PLCH1: variants seen among roughly 807,000 people sequenced by gnomAD.
The protein encoded by PLCH1 is 1-phosphatidylinositol 4,5-bisphosphate phosphodiesterase eta-1.
Under a neutral mutation model 126.7 loss-of-function variants are expected in PLCH1, and 60 were observed. That is an observed-to-expected ratio of 0.47 (90% CI 0.38 to 0.59). PLCH1 has a LOEUF of 0.59. PLCH1 is among the 20% of genes least tolerant of loss of function. The pLI, the probability that PLCH1 is intolerant of heterozygous loss-of-function variation, is 0.00. For missense variants in PLCH1, 1,723 were observed against 2,040.0 expected (o/e 0.84, Z 2.99); for synonymous variants, 719 against 734.9 (o/e 0.98, Z 0.35).
chr3:155,462,021 T>C (rs557501931), intron 21 of PLCH1, among the ~76,000 whole-genome samples: 10 of 152,238 alleles, frequency 6.6e-5, no homozygotes, highest in Non-Finnish European at 1.2e-4. Context: ...TACGATCTTA[T>C]ATCTGCTGTG....
chr3:155,500,448 C>G (rs1717726651), intron 14 of PLCH1, among the ~76,000 whole-genome samples: 1 of 152,204 alleles, frequency 6.6e-6, no homozygotes, highest in Admixed American at 6.5e-5. Flanking sequence ...TGCTCCCTCC[C>G]TCTTCTCTGA....
chr3:155,573,450 T>C (rs887303969), intron 6 of PLCH1, among the ~76,000 whole-genome samples: 2 of 152,218 alleles, frequency 1.3e-5, no homozygotes, highest in Non-Finnish European at 2.9e-5. Flanking sequence ...ATGGTTATTC[T>C]GCTGTTCTCA....
chr3:155,623,151 G>A (rs1736739489), intron 2 of PLCH1, among the ~76,000 whole-genome samples: 1 of 151,844 alleles, frequency 6.6e-6, no homozygotes, highest in South Asian at 2.1e-4. Context: ...AATCCTGAAT[G>A]ACTACTGGGT....
intron 21 of PLCH1, among the ~76,000 whole-genome samples, chr3:155,466,581 A>G (rs1412254800): frequency 6.6e-6 from 1 of 152,210 alleles, no homozygotes; most frequent in African/African-American, 2.4e-5. Flanking sequence ...ATGCTCAGAC[A>G]CTGAAGAACA....
intron 9 of PLCH1, among the ~76,000 whole-genome samples, chr3:155,552,936 G>A (rs1328226337): frequency 1.3e-5 from 2 of 152,112 alleles, no homozygotes; most frequent in Admixed American, 6.6e-5. Context: ...GGCCAGTGCT[G>A]CCCCTAACTA....
rs1035504923 is a variant in PLCH1, at chr3:155,586,408, G to C, written c.471-214C>G. Among the ~76,000 whole-genome samples the C allele has an allele frequency of 5.3e-5, 8 of 152,196 alleles. No individual in the cohort carries two copies. In the East Asian group the frequency reaches 1.4e-3, roughly 26 times the overall value. ...AGGAATGGAAGGGAAACACATAAAG[G>C]GGGTAAGGGGGTTCCCGGCTGGGTG... On this transcript the variant is annotated intron_variant, in intron 4 of 22. Transcript: ENST00000460012.
At chr3:155,459,554 T>A (rs984947217) in intron 21 of PLCH1, among the ~76,000 whole-genome samples, 3 of 152,106 alleles carry the variant, frequency 2.0e-5, no homozygotes, top group Admixed American at 6.6e-5. Context: ...TGTTGGAACC[T>A]CTTTGGCAGA....
At chr3:155,471,719 C>A (rs1183109818) in intron 21 of PLCH1, among the ~76,000 whole-genome samples, 3 of 151,150 alleles carry the variant, frequency 2.0e-5, no homozygotes, top group African/African-American at 4.9e-5. Context: ...GAAATTATAA[C>A]AAACTATCTC....
chr3:155,724,813 T>TGTGTGTGTGTG (rs1015618805), intron 1 of PLCH1, among the ~76,000 whole-genome samples: 5 of 140,064 alleles, frequency 3.6e-5, no homozygotes, highest in Non-Finnish European at 6.2e-5. Context: ...TTGGGGGGTT[T>TGTGTGTGTGTG]TGTGTGTGTG....
chr3:155,705,913 C>T (rs548431637), intron 1 of PLCH1, among the ~76,000 whole-genome samples: 6 of 152,102 alleles, frequency 3.9e-5, no homozygotes, highest in Non-Finnish European at 5.9e-5. Flanking sequence ...CAGTGGCTCA[C>T]GCCTGTAATC....
intron 2 of PLCH1, among the ~76,000 whole-genome samples, chr3:155,668,620 C>T (rs112829480): frequency 0.031 from 4,791 of 152,140 alleles, 214 homozygotes; most frequent in African/African-American, 0.097. Flanking sequence ...AGGCTGGGTG[C>T]GGTGGCTCAC....
At chr3:155,611,384 C>T (rs1488066759) in intron 2 of PLCH1, among the ~76,000 whole-genome samples, 3 of 151,010 alleles carry the variant, frequency 2.0e-5, no homozygotes, top group East Asian at 1.9e-4. Flanking sequence ...AGCAAGACTC[C>T]GTCTCAAAAA....
intron 15 of PLCH1, among the ~76,000 whole-genome samples, chr3:155,495,222 G>C (rs2108101186): frequency 6.6e-6 from 1 of 152,200 alleles, no homozygotes; most frequent in East Asian, 1.9e-4. Context: ...GAAGGTAAAA[G>C]TACATGAAGC....
intron 1 of PLCH1, among the ~76,000 whole-genome samples, chr3:155,726,653 CTCTCT>C (rs1748347203): frequency 6.6e-6 from 1 of 150,736 alleles, no homozygotes; most frequent in East Asian, 1.9e-4. Context: ...ATTTTCTTTC[CTCTCT>C]TCTTTTTCTG....
chr3:155,494,854 A>ATTTTTTCT (rs1716798263), intron 15 of PLCH1, among the ~76,000 whole-genome samples: 1 of 152,148 alleles, frequency 6.6e-6, no homozygotes, highest in Non-Finnish European at 1.5e-5. Flanking sequence ...AAATAACTTA[A>ATTTTTTCT]ACAGAATATA....
At chr3:155,522,670 A>G (rs1313025530) in intron 11 of PLCH1, among the ~76,000 whole-genome samples, 1 of 151,498 alleles carries the variant, frequency 6.6e-6, no homozygotes, top group Non-Finnish European at 1.5e-5. Flanking sequence ...AATTCAGGGC[A>G]ATGGTGTAAA....
chr3:155,701,182 G>C (rs540877962), intron 2 of PLCH1, among the ~76,000 whole-genome samples: 2 of 152,264 alleles, frequency 1.3e-5, no homozygotes, highest in South Asian at 4.1e-4. Flanking sequence ...GTAGATAAAA[G>C]GCCGGACATA....
In PLCH1 at chr3:155,494,331, T is replaced by A; in HGVS notation, c.2074+7A>T. 6.2e-7 allele frequency: 1 copy of A among 1,613,926 alleles called. No homozygotes were observed. Among genetic ancestry groups the A allele is most frequent in the Non-Finnish European group, 8.5e-7 (1 of 1,179,834 alleles). ...CAGAGAACCACTCCTTCCCAAGGAA[T>A]ACACACCTAGCTGGCAGCCTGCGTT... On this transcript the variant is annotated splice_region_variant and intron_variant, in intron 16 of 22. Transcript: ENST00000460012.
chr3:155,689,841 G>A (rs1745239682), intron 2 of PLCH1, among the ~76,000 whole-genome samples: 1 of 152,026 alleles, frequency 6.6e-6, no homozygotes, highest in African/African-American at 2.4e-5. Flanking sequence ...GAAGTAGAGA[G>A]ACAGAAGTAG....
Sources: allele counts gnomAD v4.1 joint callset (sites outside exome capture counted in the v4.1 genomes callset), GRCh38; gene constraint gnomAD v4.1.1; transcripts MANE v1.5; gene names NCBI Gene and HGNC (gene_info 2026-07-23, HGNC 2026-07-21).